HERC5: variants seen among roughly 807,000 people sequenced by gnomAD.
HERC5 encodes HECT and RLD domain containing E3 ubiquitin protein ligase 5, also known as E3 ISG15--protein ligase HERC5.
In HERC5, 99 loss-of-function variants were observed where a neutral mutation model predicts 119.6. The observed-to-expected ratio is 0.83, with a 90% confidence interval of 0.70 to 0.98. The LOEUF (loss-of-function observed/expected upper bound fraction) is 0.98, where lower values mean the gene tolerates loss of function less well. Ranked by LOEUF, HERC5 falls within the 50% of genes least tolerant of loss-of-function variation. The pLI is 0.00. For synonymous variants in HERC5, 478 were observed against 445.9 expected, an observed-to-expected ratio of 1.07 and a Z score of -0.91; for missense variants, 1,267 against 1,241.3, an observed-to-expected ratio of 1.02 and a Z score of -0.31.
chr4:88,494,513 A>G (rs964048034), intron 18 of HERC5, among the ~76,000 whole-genome samples, 182 bp downstream of exon 18: 24 of 152,204 alleles, frequency 1.6e-4, no homozygotes, highest in Non-Finnish European at 2.8e-4. Flanking sequence ...GGAAGTGTTG[A>G]TTATTCCCAT....
chr4:88,505,762 G>C lies in HERC5; in HGVS notation c.2959G>C (p.Asp987His), dbSNP rs777271920. 3.1e-6 allele frequency: 5 copies of C among 1,607,826 alleles called. No homozygotes were observed. The highest frequency in any genetic ancestry group is 4.3e-6 in the Non-Finnish European group (5 of 1,174,448). ...FCCPESWNER[D>H]PIRALTCFSV... ...CTGTCCTGAAAGTTGGAATGAAAGA[G>C]ACCCTATAAGAGCACTGACATGTTT... is the stretch of plus-strand genomic sequence containing the variant. Residue 987 changes from aspartate (D) to histidine (H), a missense_variant, in exon 23 of 23, where the codon GAC becomes CAC. This residue lies in a region of HERC5 where 473 missense variants were observed against 445.7 expected (regional missense o/e 1.06). Transcript: ENST00000264350.
intron 13 of HERC5, among the ~76,000 whole-genome samples, chr4:88,482,899 G>A (rs927930930): frequency 6.6e-6 from 1 of 152,000 alleles, no homozygotes; most frequent in Non-Finnish European, 1.5e-5. Context: ...CCAAAGTGCT[G>A]GGATTACAGG....
In HERC5 at chr4:88,504,566, A is replaced by C. The variant is rs1742051152; in HGVS notation, c.2838A>C (p.Lys946Asn). Residue 946 changes from lysine (K) to asparagine (N), a missense_variant, in exon 22 of 23, where the codon AAA (lysine) becomes AAC (asparagine). Lys to Asn is a moderately conservative substitution (Grantham distance 94, BLOSUM62 0). Around this residue, in one of 3 missense-constraint regions of HERC5, gnomAD observed 473 missense variants for 445.7 expected, o/e 1.06. Transcript: ENST00000264350. ...TIVMFWKAFH[K>N]LTLEEKKKFL... ...TGATGTTTTGGAAGGCTTTCCACAA[A>C]TTGACTCTGGAAGAAAAGAAAAAAT... 2 of 1,574,982 alleles carry C rather than the reference A, an allele frequency of 1.3e-6. No individual in the cohort carries two copies. Among genetic ancestry groups the C allele is most frequent in the African/African-American group, 2.7e-5 (2 of 72,982 alleles).
At chr4:88,470,059 T>C (rs1740815882) in intron 9 of HERC5, among the ~76,000 whole-genome samples, 1 of 152,256 alleles carries the variant, frequency 6.6e-6, no homozygotes, top group South Asian at 2.1e-4. Flanking sequence ...ACAGAACTCC[T>C]ACCTATTCTT....
At chr4:88,495,788 G>T (rs1741779152) in intron 18 of HERC5, among the ~76,000 whole-genome samples, 1 of 151,972 alleles carries the variant, frequency 6.6e-6, no homozygotes, top group Non-Finnish European at 1.5e-5. Context: ...TTAGAAAGAA[G>T]GAGATAAATT....
Position 88,468,355 on chromosome 4 carries a change from C to T in HERC5, c.1067C>T (p.Thr356Ile). ...TTGTGCATCCTTTCAGAAAGCCATACCTCAGAAAAGGAGTTAATAATGATT... is the reference window on the plus strand; with the variant it reads ...TTGTGCATCCTTTCAGAAAGCCATATCTCAGAAAAGGAGTTAATAATGATT... ...SSEELKLESH[T>I]SEKELIMIAG... The change falls in exon 8 of 23, where the codon ACC becomes ATC. Residue 356 changes from threonine to isoleucine, a missense_variant. Thr to Ile is a moderately conservative substitution (Grantham distance 89). Transcript: ENST00000264350. The T allele has an allele frequency of 6.2e-7, 1 of 1,609,266 alleles. No homozygotes were observed. Among genetic ancestry groups the T allele is most frequent in the Non-Finnish European group, 8.5e-7 (1 of 1,177,370 alleles).
At chr4:88,503,142 C>G (rs1294480170) in intron 20 of HERC5, among the ~76,000 whole-genome samples, 1 of 152,050 alleles carries the variant, frequency 6.6e-6, no homozygotes, top group African/African-American at 2.4e-5. Flanking sequence ...TTTTATTTCT[C>G]ACATTTAGAT....
intron 10 of HERC5, among the ~76,000 whole-genome samples, chr4:88,471,932 T>G (rs2149093034): frequency 6.7e-6 from 1 of 149,112 alleles, no homozygotes; most frequent in Non-Finnish European, 1.5e-5. Flanking sequence ...GGCCCGCCCT[T>G]CTTCCCTCCC....
intron 11 of HERC5, among the ~76,000 whole-genome samples, chr4:88,472,828 A>G (rs1277673142): frequency 6.6e-6 from 1 of 152,212 alleles, no homozygotes; most frequent in Non-Finnish European, 1.5e-5. Context: ...TTGGTACACT[A>G]GAATAAGAAC....
At chr4:88,494,557 C>G (rs562163052) in intron 18 of HERC5, among the ~76,000 whole-genome samples, 1 of 152,294 alleles carries the variant, frequency 6.6e-6, no homozygotes, top group East Asian at 1.9e-4. Flanking sequence ...AATCTTTCAA[C>G]TTTTTCTGTG....
chr4:88,483,346 C>T (rs1378974722), intron 13 of HERC5, among the ~76,000 whole-genome samples: 1 of 150,840 alleles, frequency 6.6e-6, no homozygotes, highest in African/African-American at 2.4e-5. Context: ...GTAGCTGGGA[C>T]TATAGGCATA....
Position 88,505,944 on chromosome 4 carries a change from G to A in HERC5, c.*66G>A. The A allele has an allele frequency of 7.9e-7, 1 of 1,263,860 alleles. No homozygotes were observed. The highest frequency in any genetic ancestry group is 1.1e-6 in the Non-Finnish European group (1 of 898,702). The allele number at this position is 1,263,860 out of a possible 1,614,324, so 78.3% of individuals were successfully genotyped here. ...CGTTGTTGTTGTTGTTGTTGTTGTTGTTTCTCTACTTTGTTTTGTTTTAGG... is the reference window on the plus strand; with the variant it reads ...CGTTGTTGTTGTTGTTGTTGTTGTTATTTCTCTACTTTGTTTTGTTTTAGG... On this transcript the variant is annotated 3_prime_UTR_variant, in exon 23 of 23. Transcript: ENST00000264350.
At chr4:88,496,575 AATG>A (rs757193879) in intron 18 of HERC5, among the ~76,000 whole-genome samples, 90 of 152,224 alleles carry the variant, frequency 5.9e-4, no homozygotes, top group Non-Finnish European at 7.3e-4. Context: ...ACTGGAAAAA[AATG>A]ATATCTATCT....
chr4:88,504,144 G>A (rs1426570126), intron 20 of HERC5, 88 bp from the exon 21 acceptor site: 9 of 773,982 alleles, frequency 1.2e-5, no homozygotes, highest in Non-Finnish European at 1.5e-5. Context: ...CTCAATAACT[G>A]TTAGGTATTC....
chr4:88,505,020 CCTTA>C (rs1220435077), intron 22 of HERC5, among the ~76,000 whole-genome samples: 1 of 152,006 alleles, frequency 6.6e-6, no homozygotes. Flanking sequence ...TTTTCTATTT[CCTTA>C]CTTTTGAGAA....
Position 88,500,989 on chromosome 4 carries a change from G to A in HERC5, c.2582+4G>A. 2.5e-6 allele frequency: 4 copies of A among 1,598,870 alleles called. No homozygotes were observed. Among genetic ancestry groups the A allele is most frequent in the African/African-American group, 1.3e-5 (1 of 74,502 alleles). On this transcript the variant is annotated splice_donor_region_variant and intron_variant, in intron 20 of 22. Transcript: ENST00000264350. The stretch of plus-strand genomic sequence containing the variant: ...TAACTGTCAACCAGACTAACAAGTA[G>A]GTACAAAAAATGAAATAGTTGGTTT...
Position 88,459,319 on chromosome 4 carries a change from A to G in HERC5, c.266-28A>G, listed in dbSNP as rs72879395. The G allele has an allele frequency of 2.3e-3, 3,475 of 1,525,742 alleles. 76 individuals carry two copies. In the African/African-American group the frequency reaches 0.043, roughly 19 times the overall value. 94.5% of individuals were successfully genotyped at this position (1,525,742 alleles called of 1,614,324 possible). On this transcript the variant is annotated intron_variant, in intron 1 of 22. Transcript: ENST00000264350. Reference sequence around the variant, plus strand: ...ACAGTGGGTAATAATCAAAGTGACAATAGTTCCTGGTTGGATTTGCTCTGT... The same window carrying G: ...ACAGTGGGTAATAATCAAAGTGACAGTAGTTCCTGGTTGGATTTGCTCTGT...
chr4:88,460,191 A>G lies in HERC5; in HGVS notation c.466+20A>G, dbSNP rs1560596164. ...CAAAAGGTAATTTTTCTGTAATATT[A>G]ATAGTTTTGTAGAAGTAATACCTGT... On this transcript the variant is annotated intron_variant, in intron 3 of 22. Transcript: ENST00000264350. The G allele has an allele frequency of 7.5e-7, 1 of 1,325,638 alleles. No individual in the cohort carries two copies. The highest frequency in any genetic ancestry group is 1.2e-5 in the South Asian group (1 of 81,964). The allele number at this position is 1,325,638 out of a possible 1,614,324, so 82.1% of individuals were successfully genotyped here.
intron 18 of HERC5, among the ~76,000 whole-genome samples, chr4:88,496,758 A>C (rs967831704): frequency 6.6e-6 from 1 of 152,242 alleles, no homozygotes; most frequent in Admixed American, 6.5e-5. Flanking sequence ...CAGTAAAGAA[A>C]AGATTTAATA....
Sources: allele counts gnomAD v4.1 joint callset (sites outside exome capture counted in the v4.1 genomes callset), GRCh38; gene constraint gnomAD v4.1.1; regional missense constraint gnomAD v4.1.1; transcripts MANE v1.5; gene names NCBI Gene and HGNC (gene_info 2026-07-23, HGNC 2026-07-21).